The following NMNAT2 variants were observed in gnomAD, a reference collection of about 807,000 sequenced individuals.
NMNAT2 encodes the protein nicotinamide/nicotinic acid mononucleotide adenylyltransferase 2.
Under a neutral mutation model 41.6 loss-of-function variants are expected in NMNAT2, and 11 were observed. That is an observed-to-expected ratio of 0.26 (90% confidence interval 0.17 to 0.44). The LOEUF (loss-of-function observed/expected upper bound fraction) is 0.44. NMNAT2 is among the 20% of genes least tolerant of loss of function. NMNAT2 has a pLI of 1.00. For synonymous variants in NMNAT2, 148 were observed against 151.2 expected, an observed-to-expected ratio of 0.98 and a Z score of 0.16; for missense variants, 288 against 407.7, an observed-to-expected ratio of 0.71 and a Z score of 2.53.
At chr1:183,418,042 G>A in intron 1 of NMNAT2, 141 bp downstream of exon 1, 1 of 755,504 alleles carries the variant, frequency 1.3e-6, no homozygotes, top group South Asian at 1.7e-5. Flanking sequence ...AAAATGAAGG[G>A]GCCGACCTCC....
intron 1 of NMNAT2, among the ~76,000 whole-genome samples, chr1:183,317,546 A>G (rs1662279196): frequency 6.6e-6 from 1 of 152,338 alleles, no homozygotes; most frequent in African/African-American, 2.4e-5. Context: ...TGCTGGGATT[A>G]TAGGCATGAG....
intron 1 of NMNAT2, among the ~76,000 whole-genome samples, chr1:183,403,722 T>A (rs1648881036): frequency 6.6e-6 from 1 of 152,134 alleles, no homozygotes; most frequent in Non-Finnish European, 1.5e-5. Flanking sequence ...CCACAAGGGG[T>A]TCAGCAGGGA....
chr1:183,341,475 T>G (rs1319397906), intron 1 of NMNAT2, among the ~76,000 whole-genome samples: 4 of 142,962 alleles, frequency 2.8e-5, no homozygotes, highest in Non-Finnish European at 4.5e-5. Context: ...CTCAGGAGTT[T>G]GAGACCAGCC....
intron 1 of NMNAT2, among the ~76,000 whole-genome samples, chr1:183,340,299 T>C (rs756029828): frequency 6.7e-6 from 1 of 149,902 alleles, no homozygotes; most frequent in Non-Finnish European, 1.5e-5. Flanking sequence ...ATTTGGATCC[T>C]GGCACTGTTT....
intron 1 of NMNAT2, among the ~76,000 whole-genome samples, chr1:183,402,306 C>T (rs553972363): frequency 6.6e-6 from 1 of 152,248 alleles, no homozygotes; most frequent in South Asian, 2.1e-4. Context: ...TGCCAAAGAC[C>T]CTATGACTGT....
Position 183,252,721 on chromosome 1 carries a change from C to T in NMNAT2, c.844G>A (p.Gly282Ser), listed in dbSNP as rs1558105428. The part of the protein sequence containing the change: ...KSRLALQHGD[G>S]HVVDYLSQPV... ...TGGGACAGGTAATCCACAACATGGCCGTCCCCATGCTGCAGGGCCAGCCTG... is the reference window on the plus strand; with the variant it reads ...TGGGACAGGTAATCCACAACATGGCTGTCCCCATGCTGCAGGGCCAGCCTG... Residue 282 changes from glycine (G) to serine (S), a missense_variant, in exon 11 of 11, where the codon GGC becomes AGC. Around this residue, in one of 3 missense-constraint regions of NMNAT2, gnomAD observed 181 missense variants for 213.7 expected, o/e 0.85. Coordinates refer to ENST00000287713, the MANE Select transcript of NMNAT2 (RefSeq NM_015039.4). 2.5e-6 allele frequency: 4 copies of T among 1,613,956 alleles called. No homozygotes were observed. Among genetic ancestry groups the T allele is most frequent in the Non-Finnish European group, 3.4e-6 (4 of 1,179,890 alleles).
intron 1 of NMNAT2, among the ~76,000 whole-genome samples, chr1:183,367,832 A>G (rs1274009738): frequency 2.0e-5 from 3 of 152,228 alleles, no homozygotes; most frequent in Non-Finnish European, 2.9e-5. Flanking sequence ...AGAAGTGCCA[A>G]TATTTTCTTC....
In NMNAT2 at chr1:183,252,436, C is replaced by G; in HGVS notation, c.*205G>C. ...CCCATTCCCTCACCCACCCCCAACC[C>G]GGAGACTAGAGGAAAGTCTGTCCAA... On this transcript the variant is annotated 3_prime_UTR_variant, in exon 11 of 11. Coordinates refer to ENST00000287713, the MANE Select transcript of NMNAT2 (RefSeq NM_015039.4). 2 of 558,428 alleles carry G rather than the reference C, an allele frequency of 3.6e-6. No individual in the cohort carries two copies. Among genetic ancestry groups the G allele is most frequent in the Admixed American group, 3.1e-5 (1 of 32,406 alleles). The allele number at this position is 558,428 out of a possible 1,614,324, so 34.6% of individuals were successfully genotyped here.
chr1:183,274,501 T>TG (rs1347830826), intron 8 of NMNAT2, among the ~76,000 whole-genome samples: 2 of 151,736 alleles, frequency 1.3e-5, no homozygotes, highest in African/African-American at 4.8e-5. Flanking sequence ...TTAGTAGAGA[T>TG]GGGGTTTCAC....
intron 1 of NMNAT2, among the ~76,000 whole-genome samples, chr1:183,307,082 G>A (rs1374265702): frequency 2.0e-5 from 3 of 152,142 alleles, no homozygotes; most frequent in Non-Finnish European, 4.4e-5. Flanking sequence ...GCTTGCCAAT[G>A]TGGGAGTTAT....
intron 1 of NMNAT2, among the ~76,000 whole-genome samples, chr1:183,300,172 G>A (rs1661811832): frequency 6.6e-6 from 1 of 152,138 alleles, no homozygotes; most frequent in African/African-American, 2.4e-5. Context: ...GGGAGGCCGA[G>A]GTGGGCGTAT....
At chr1:183,265,258 CTTTTTTTTT>C (rs67117635) in intron 8 of NMNAT2, among the ~76,000 whole-genome samples, 34 of 64,574 alleles carry the variant, frequency 5.3e-4, no homozygotes, top group Admixed American at 3.1e-3. Flanking sequence ...TCTTCTTCTT[CTTTTTTTTT>C]TTTTTTTTTT....
rs530782658 is a variant in NMNAT2, at chr1:183,378,468, T to C, written c.85+39715A>G. 2.7e-5 allele frequency among the ~76,000 whole-genome samples: 4 copies of C among 150,064 alleles called. No homozygotes were observed. In the East Asian group the frequency reaches 7.9e-4, roughly 30 times the overall value. ...TACTCGGGAGGCTGAGGCAGGAGAATCACTTGAACCCAGGAGGCAGAGGTT... is the reference window on the plus strand; with the variant it reads ...TACTCGGGAGGCTGAGGCAGGAGAACCACTTGAACCCAGGAGGCAGAGGTT... On this transcript the variant is annotated intron_variant, in intron 1 of 10. Coordinates refer to ENST00000287713, the MANE Select transcript of NMNAT2 (RefSeq NM_015039.4).
intron 4 of NMNAT2, among the ~76,000 whole-genome samples, chr1:183,289,750 C>T (rs1661489970): frequency 6.6e-6 from 1 of 152,190 alleles, no homozygotes. Context: ...TCTCTCTTCT[C>T]CTGCCTTTCA....
At chr1:183,279,013 T>C (rs1347125614) in intron 7 of NMNAT2, among the ~76,000 whole-genome samples, 2 of 152,222 alleles carry the variant, frequency 1.3e-5, no homozygotes, top group Non-Finnish European at 2.9e-5. Context: ...TCTTGCTCCC[T>C]GTCAAGCTCA....
chr1:183,297,457 A>G (rs1000988662), intron 1 of NMNAT2, among the ~76,000 whole-genome samples: 6 of 149,358 alleles, frequency 4.0e-5, no homozygotes, highest in Non-Finnish European at 7.4e-5. Context: ...ATCTCGGCTC[A>G]GCGCAACCTC....
intron 1 of NMNAT2, among the ~76,000 whole-genome samples, chr1:183,394,745 A>G (rs1648584523): frequency 6.6e-6 from 1 of 152,196 alleles, no homozygotes. Context: ...AGAACCCACC[A>G]GGGGCTCACA....
chr1:183,257,800 A>G (rs1192145264), intron 10 of NMNAT2, among the ~76,000 whole-genome samples: 1 of 151,188 alleles, frequency 6.6e-6, no homozygotes, highest in Non-Finnish European at 1.5e-5. Context: ...TTTTTTTTCA[A>G]AAAACCAACT....
intron 1 of NMNAT2, among the ~76,000 whole-genome samples, chr1:183,296,522 C>CTTTT (rs10655549): frequency 3.4e-5 from 5 of 148,680 alleles, no homozygotes; most frequent in Non-Finnish European, 3.0e-5. Flanking sequence ...GTCACATTTG[C>CTTTT]TTTTTTTTTT....
Sources: gnomAD v4.1 joint callset for allele counts (sites outside exome capture counted in the v4.1 genomes callset) on GRCh38, gnomAD v4.1.1 for gene constraint, gnomAD v4.1.1 regional missense constraint, MANE v1.5 for transcripts, NCBI Gene and HGNC (gene_info 2026-07-23, HGNC 2026-07-21) for gene names.